CFAP43: variants seen among roughly 807,000 people sequenced by gnomAD.
CFAP43 encodes cilia and flagella associated protein 43, also known as cilia- and flagella-associated protein 43.
In CFAP43, 155 loss-of-function variants were observed where a neutral mutation model predicts 218.9. That is an observed-to-expected ratio of 0.71 (90% CI 0.62 to 0.81). The LOEUF (loss-of-function observed/expected upper bound fraction) is 0.81, where lower values mean the gene tolerates loss of function less well. CFAP43 is among the 30% of genes least tolerant of loss of function. The pLI is 0.00. For missense variants in CFAP43, 1,778 were observed against 1,954.3 expected (o/e 0.91, Z 1.70); for synonymous variants, 645 against 681.3 (o/e 0.95, Z 0.83).
intron 8 of CFAP43, among the ~76,000 whole-genome samples, chr10:104,200,670 CAAAAAAAAAAAA>C (rs71022722): frequency 1.3e-4 from 3 of 22,638 alleles, no homozygotes; most frequent in Admixed American, 5.0e-4. Context: ...GACTCTGTCT[CAAAAAAAAAAAA>C]AAAAAAAAAA....
chr10:104,179,151 CAGACAG>C, intron 18 of CFAP43, 45 bp from the exon 19 acceptor site: 4 of 1,395,560 alleles, frequency 2.9e-6, no homozygotes, highest in East Asian at 4.7e-5. Flanking sequence ...AGAGAAATAT[CAGACAG>C]AGAGAGAGAG....
intron 30 of CFAP43, 44 bp downstream of exon 30, chr10:104,146,219 A>C (rs750919395): frequency 1.3e-6 from 2 of 1,501,274 alleles, no homozygotes; most frequent in Non-Finnish European, 1.9e-6. Context: ...CCAGGCAGCA[A>C]CAACTCTACT....
chr10:104,168,037 C>CT (rs975480142), intron 21 of CFAP43, among the ~76,000 whole-genome samples: 6 of 152,044 alleles, frequency 3.9e-5, no homozygotes, highest in African/African-American at 1.4e-4. Context: ...CATTTGGCAA[C>CT]TTTTTTTTAT....
At chr10:104,161,833 C>T (rs150604079) in intron 26 of CFAP43, 128 bp downstream of exon 26, 38 of 788,362 alleles carry the variant, frequency 4.8e-5, no homozygotes, top group African/African-American at 1.4e-4. Context: ...TAAGGTACTA[C>T]GGAGGTTGTA....
intron 27 of CFAP43, among the ~76,000 whole-genome samples, chr10:104,153,548 A>G (rs778875659): frequency 1.3e-5 from 2 of 152,236 alleles, no homozygotes; most frequent in Non-Finnish European, 2.9e-5. Context: ...CTTTGTACCC[A>G]CAAAAATTAA....
intron 26 of CFAP43, among the ~76,000 whole-genome samples, chr10:104,161,665 CTG>C (rs2088881080): frequency 6.6e-6 from 1 of 152,122 alleles, no homozygotes; most frequent in Non-Finnish European, 1.5e-5. Flanking sequence ...GGGTCTTGCT[CTG>C]TCTCTCAGGC....
chr10:104,177,651 G>A (rs2089679427), intron 19 of CFAP43, among the ~76,000 whole-genome samples: 1 of 152,202 alleles, frequency 6.6e-6, no homozygotes, highest in African/African-American at 2.4e-5. Flanking sequence ...GAGAGTCTTG[G>A]TTTGTACCAG....
chr10:104,164,588 C>T (rs611882), intron 23 of CFAP43, among the ~76,000 whole-genome samples: 42,240 of 151,868 alleles, frequency 0.28, 8,416 homozygotes, highest in African/African-American at 0.57. Flanking sequence ...TTAATAGAGA[C>T]GGGGTTTCAC....
intron 7 of CFAP43, among the ~76,000 whole-genome samples, chr10:104,204,676 G>GGAC (rs1783895911): frequency 6.6e-6 from 1 of 152,132 alleles, no homozygotes. Context: ...AGGAGGAGGA[G>GGAC]GGGATAGTCC....
chr10:104,207,463 G>C (rs147255029), intron 6 of CFAP43, among the ~76,000 whole-genome samples: 3 of 152,262 alleles, frequency 2.0e-5, no homozygotes, highest in Non-Finnish European at 4.4e-5. Flanking sequence ...GGAGATTAAG[G>C]TGTCTCTCCT....
rs1353814485 is a variant in CFAP43, at chr10:104,168,816, G to A, written c.2619C>T (p.Ala873=). The stretch of plus-strand genomic sequence containing the variant: ...TGATAAGTTCAGCCAAATAGCTCTT[G>A]GCTAAGTTATGCATCTCTACATCCT... ...MIKDVEMHNL[A]KSYLAELIKE... Residue 873 remains alanine (A), a synonymous_variant, in exon 21 of 38, where the codon GCC becomes GCT. Transcript: ENST00000357060. The A allele has an allele frequency of 6.2e-7, 1 of 1,613,698 alleles. No individual in the cohort carries two copies. The highest frequency in any genetic ancestry group is 1.7e-5 in the Admixed American group (1 of 59,996).
At chr10:104,135,074 ACAAT>A (rs1490519895) in intron 34 of CFAP43, among the ~76,000 whole-genome samples, 4 of 152,190 alleles carry the variant, frequency 2.6e-5, no homozygotes, top group South Asian at 2.1e-4. Context: ...AGTAGTCCGC[ACAAT>A]CAAACAATAT....
chr10:104,229,505 A>C (rs1202159509), intron 2 of CFAP43, among the ~76,000 whole-genome samples: 1 of 151,346 alleles, frequency 6.6e-6, no homozygotes, highest in African/African-American at 2.4e-5. Flanking sequence ...AACATAAAAA[A>C]AAAAAAAAAA....
intron 28 of CFAP43, among the ~76,000 whole-genome samples, chr10:104,151,756 AT>A (rs1383636505): frequency 4.6e-5 from 7 of 151,854 alleles, no homozygotes; most frequent in African/African-American, 1.7e-4. Flanking sequence ...CCATTTGTCC[AT>A]TTTTGCTTTT....
rs151017050 is a variant in CFAP43, at chr10:104,162,377, C to G, written c.3273G>C (p.Pro1091=). ...CGATCAATTCTTTGGCTTTGTGCCA[C>G]GGCTTAATGTGTTTGTGGGCTGTAA... ...EEITAHKHIK[P]WHKAKELIVN... is the part of the protein sequence containing the mutation. Residue 1091 remains proline (P), a synonymous_variant, in exon 25 of 38, where the codon CCG becomes CCC. Transcript: ENST00000357060. 3 of 1,614,140 alleles carry G rather than the reference C, an allele frequency of 1.9e-6. No individual in the cohort carries two copies. The highest frequency in any genetic ancestry group is 2.5e-6 in the Non-Finnish European group (3 of 1,179,958).
At chr10:104,174,620 A>T (rs1374245436) in intron 19 of CFAP43, among the ~76,000 whole-genome samples, 1 of 152,242 alleles carries the variant, frequency 6.6e-6, no homozygotes, top group Non-Finnish European at 1.5e-5. Context: ...TATAAACTAT[A>T]AGATACCTAA....
In CFAP43 at chr10:104,143,533, C is replaced by G; in HGVS notation, c.4051G>C (p.Ala1351Pro). 1 of 1,614,208 alleles carries G rather than the reference C, an allele frequency of 6.2e-7. No individual in the cohort carries two copies. Among genetic ancestry groups the G allele is most frequent in the South Asian group, 1.1e-5 (1 of 91,088 alleles). ...CTAATATTGTCCAACTCATCCATAG[C>G]TTTCATTAACTGGGCAAAGGCATCC... ...NKDAFAQLMK[A>P]MDELDNISNM... The change falls in exon 32 of 38, where the codon GCT becomes CCT. Residue 1351 changes from alanine to proline, a missense_variant. Coordinates refer to ENST00000357060, the MANE Select transcript of CFAP43 (RefSeq NM_025145.7).
At chr10:104,139,407 G>A (rs1295001268) in intron 34 of CFAP43, among the ~76,000 whole-genome samples, 1 of 152,124 alleles carries the variant, frequency 6.6e-6, no homozygotes, top group Admixed American at 6.5e-5. Flanking sequence ...GCACACATGT[G>A]CATACCGCCC....
Position 104,232,194 on chromosome 10 carries a change from G to C in CFAP43, c.53C>G (p.Ser18Cys), listed in dbSNP as rs755348007. ...GTGAACACCGCACCTCACGGACAAGGACGCGCCGCCGGCGGAGTGGGGGCC... is the reference window on the plus strand; with the variant it reads ...GTGAACACCGCACCTCACGGACAAGCACGCGCCGCCGGCGGAGTGGGGGCC... Reference protein sequence around the residue: ...DEGPHSAGGASLSVRWVQGFP... With the variant: ...DEGPHSAGGACLSVRWVQGFP... Residue 18 changes from serine to cysteine, a missense_variant, in exon 1 of 38, where the codon TCC becomes TGC. Physicochemically the swap from Ser to Cys is moderately radical, Grantham distance 112. Transcript: ENST00000357060. 1 of 1,609,486 alleles carries C rather than the reference G, an allele frequency of 6.2e-7. No individual in the cohort carries two copies. Among genetic ancestry groups the C allele is most frequent in the African/African-American group, 1.3e-5 (1 of 74,726 alleles).
Sources: gnomAD v4.1 joint callset for allele counts (sites outside exome capture counted in the v4.1 genomes callset) on GRCh38, gnomAD v4.1.1 for gene constraint, MANE v1.5 for transcripts, NCBI Gene and HGNC (gene_info 2026-07-23, HGNC 2026-07-21) for gene names.